The following CHRNA2 variants were observed in gnomAD, a reference collection of about 807,000 sequenced individuals.
CHRNA2 encodes the protein cholinergic receptor nicotinic alpha 2 subunit, also known as neuronal acetylcholine receptor subunit alpha-2.
A neutral mutation model predicts 45.5 loss-of-function variants in CHRNA2; 40 were observed. That is an observed-to-expected ratio of 0.88 (90% CI 0.68 to 1.15). The LOEUF (loss-of-function observed/expected upper bound fraction) is 1.15. Among genes scored for constraint, CHRNA2 ranks in the 50% most tolerant of loss-of-function variants. CHRNA2 has a pLI of 0.00. For missense variants in CHRNA2, 655 were observed against 701.7 expected (o/e 0.93, Z 0.75); for synonymous variants, 301 against 296.7 (o/e 1.01, Z -0.15).
chr8:27,467,146 A>AG, intron 5 of CHRNA2, 83 bp downstream of exon 5: 3 of 1,027,148 alleles, frequency 2.9e-6, no homozygotes, highest in Non-Finnish European at 4.6e-6. Flanking sequence ...AGCTGACACC[A>AG]GGGGGGCCCC....
In CHRNA2 at chr8:27,469,862, G is replaced by A. The variant is rs200035862; in HGVS notation, c.193C>T (p.His65Tyr). ...CAGCGGTTGTAGCCCCGGAAGAGGT[G>A]TTTGAAGAGCCGGTCCTCAGTCTCG... is the stretch of plus-strand genomic sequence containing the variant. ...HTETEDRLFK[H>Y]LFRGYNRWAR... Residue 65 changes from histidine (H) to tyrosine (Y), a missense_variant, in exon 3 of 7, where the codon CAC (histidine) becomes TAC (tyrosine). By Grantham distance (83) the His-to-Tyr change is moderately conservative. This residue lies in a region of CHRNA2 where 323 missense variants were observed against 354.4 expected (regional missense o/e 0.91). Transcript: ENST00000407991. 1.1e-5 allele frequency: 17 copies of A among 1,614,174 alleles called. No homozygotes were observed. The highest frequency in any genetic ancestry group is 1.4e-5 in the Non-Finnish European group (17 of 1,180,034).
intron 1 of CHRNA2, among the ~76,000 whole-genome samples, chr8:27,471,610 G>C (rs1330529453): frequency 6.6e-6 from 1 of 152,230 alleles, no homozygotes; most frequent in African/African-American, 2.4e-5. Context: ...ATGGACAAAA[G>C]GCAGTAAATC....
At position 27,461,463 on chromosome 8, in the gene CHRNA2, A is replaced by C; in HGVS notation, c.*166T>G. 2.1e-6 allele frequency: 2 copies of C among 933,294 alleles called. No individual in the cohort carries two copies. Among genetic ancestry groups the C allele is most frequent in the Non-Finnish European group, 3.2e-6 (2 of 623,284 alleles). 57.8% of individuals were successfully genotyped at this position (933,294 alleles called of 1,614,324 possible). A position where few individuals can be genotyped will look rare whatever the true frequency, so the allele number is the denominator to read the frequency against. On this transcript the variant is annotated 3_prime_UTR_variant, in exon 7 of 7. Transcript: ENST00000407991. Reference sequence around the variant, plus strand: ...CACCCAGCAGGCTGTCAGCCCTGGTACAATAACGTTAAGCTGGATGGAAGC... The same window carrying C: ...CACCCAGCAGGCTGTCAGCCCTGGTCCAATAACGTTAAGCTGGATGGAAGC...
rs1205023086 is a variant in CHRNA2 at position 27,463,013 on chromosome 8, G to A, written c.1430C>T (p.Ala477Val). 1 of 1,613,982 alleles carries A rather than the reference G, an allele frequency of 6.2e-7. No individual in the cohort carries two copies. Among genetic ancestry groups the A allele is most frequent in the African/African-American group, 1.3e-5 (1 of 74,940 alleles). ...QKALEGVHYI[A>V]DHLRSEDADS... ...AGCATCCTCAGACCGCAGGTGGTCG[G>A]CAATGTAGTGCACACCTTCCAGTGC... The change falls in exon 6 of 7, where the codon GCC becomes GTC. Residue 477 changes from alanine (A) to valine (V), a missense_variant. Ala to Val is a moderately conservative substitution (Grantham distance 64, BLOSUM62 0). Transcript: ENST00000407991. This position sits in a 1 kb window ranked among gnomAD's most constrained non-coding sequence, Gnocchi z 6.1.
Position 27,463,593 on chromosome 8 carries a change from CAGTG to C in CHRNA2, c.846_849del (p.Thr283CysfsTer53). 5 of 1,614,158 alleles carry C rather than the reference CAGTG, an allele frequency of 3.1e-6. No homozygotes were observed. In the South Asian group the frequency reaches 5.5e-5, roughly 18 times the overall value. Reference sequence around the variant, plus strand: ...TCGGAGGGCAGGTAGAAGACCAGCACAGTGAGGCAGGAGATGAGCAGGCAGGGGA... The same window carrying C: ...TCGGAGGGCAGGTAGAAGACCAGCACAGGCAGGAGATGAGCAGGCAGGGGA... On this transcript the variant is annotated frameshift_variant, in exon 6 of 7. Coordinates refer to ENST00000407991, the MANE Select transcript of CHRNA2 (RefSeq NM_000742.4). LOFTEE classifies it high-confidence loss of function. This position sits in a 1 kb window ranked among gnomAD's most constrained non-coding sequence, Gnocchi z 6.1.
chr8:27,464,101 C>T, intron 5 of CHRNA2, 108 bp from the exon 6 acceptor site: 1 of 1,291,806 alleles, frequency 7.7e-7, no homozygotes, highest in East Asian at 2.5e-5. Context: ...TCAGACCCGG[C>T]CACACTGGCG....
At chr8:27,471,385 A>T (rs1812878820) in intron 1 of CHRNA2, among the ~76,000 whole-genome samples, 191 bp from the exon 2 acceptor site, 1 of 152,212 alleles carries the variant, frequency 6.6e-6, no homozygotes, top group African/African-American at 2.4e-5. Flanking sequence ...AGAGTCAGCC[A>T]GCGACTCTGC....
intron 1 of CHRNA2, chr8:27,475,345 C>G (rs1000561126): frequency 2.0e-5 from 3 of 152,222 alleles, no homozygotes; most frequent in Non-Finnish European, 2.9e-5. Flanking sequence ...TCTATCCATA[C>G]AGTGGAATAT....
At position 27,460,128 on chromosome 8, in the gene CHRNA2, C is replaced by T. The variant is rs970488322; in HGVS notation, c.*1501G>A. The T allele has an allele frequency of 2.0e-5, 3 of 152,290 alleles. No homozygotes were observed. The highest frequency in any genetic ancestry group is 2.9e-5 in the Non-Finnish European group (2 of 68,124). 9.4% of individuals were successfully genotyped at this position (152,290 alleles called of 1,614,324 possible). A position where few individuals can be genotyped will look rare whatever the true frequency, so the allele number is the denominator to read the frequency against. On this transcript the variant is annotated 3_prime_UTR_variant, in exon 7 of 7. Transcript: ENST00000407991. ...ACCAAAAGGAAACTGGAAGCTCGCCCTGCTCGGCTTCCTGCCTGGAGCCTC... is the reference window on the plus strand; with the variant it reads ...ACCAAAAGGAAACTGGAAGCTCGCCTTGCTCGGCTTCCTGCCTGGAGCCTC...
Position 27,467,241 on chromosome 8 carries a change from A to G in CHRNA2, c.437T>C (p.Val146Ala). The G allele has an allele frequency of 6.2e-7, 1 of 1,613,280 alleles. No homozygotes were observed. The highest frequency in any genetic ancestry group is 8.5e-7 in the Non-Finnish European group (1 of 1,179,236). The stretch of plus-strand genomic sequence containing the variant: ...AATGGCTTCCTACTTGTTGTAGAGA[A>G]CAATGTCGGGGATCCAGATCATCTC... ...PSEMIWIPDIVLYNNADGEFA... is the reference protein window; with the variant it reads ...PSEMIWIPDIALYNNADGEFA... The change falls in exon 5 of 7, where the codon GTT becomes GCT. Residue 146 changes from valine to alanine, a missense_variant. This residue lies in a region of CHRNA2 where 323 missense variants were observed against 354.4 expected (regional missense o/e 0.91). Coordinates refer to ENST00000407991, the MANE Select transcript of CHRNA2 (RefSeq NM_000742.4).
At chr8:27,469,623 G>A in intron 3 of CHRNA2, 138 bp downstream of exon 3, 1 of 1,122,314 alleles carries the variant, frequency 8.9e-7, no homozygotes, top group Non-Finnish European at 1.3e-6. Flanking sequence ...TAGCCGCCCT[G>A]GGAAGAGCCA....
At position 27,463,683 on chromosome 8, in the gene CHRNA2, C is replaced by T. The variant is rs372418511; in HGVS notation, c.760G>A (p.Asp254Asn). 1 of 1,613,996 alleles carries T rather than the reference C, an allele frequency of 6.2e-7. No individual in the cohort carries two copies. The highest frequency in any genetic ancestry group is 8.5e-7 in the Non-Finnish European group (1 of 1,180,006). The change falls in exon 6 of 7, where the codon GAC becomes AAC. Residue 254 changes from aspartate (D) to asparagine (N), a missense_variant. Asp to Asn is a conservative substitution (Grantham distance 23, BLOSUM62 1). Around this residue, in one of 3 missense-constraint regions of CHRNA2, gnomAD observed 323 missense variants for 354.4 expected, o/e 0.91. Coordinates refer to ENST00000407991, the MANE Select transcript of CHRNA2 (RefSeq NM_000742.4). The surrounding 1 kb of genome is among the most constrained non-coding windows in gnomAD (Gnocchi z 6.1). ...KYDCCAEIYP[D>N]VTYAFVIRRL... is the part of the protein sequence containing the mutation. ...CGGATGACGAAGGCGTAGGTGACGT[C>T]GGGGTAGATCTCGGCGCAGCAGTCG...
At chr8:27,475,357 A>G (rs1332570372) in intron 1 of CHRNA2, 1 of 152,242 alleles carries the variant, frequency 6.6e-6, no homozygotes, top group Non-Finnish European at 1.5e-5. Flanking sequence ...GTGGAATATT[A>G]TTTGTCCTTA....
rs1455005891 is a variant in CHRNA2, at chr8:27,460,827, GGCCGGCTGGTGCAGA to G, written c.*787_*801del. On this transcript the variant is annotated 3_prime_UTR_variant, in exon 7 of 7. Coordinates refer to ENST00000407991, the MANE Select transcript of CHRNA2 (RefSeq NM_000742.4). ...TCTCAGCTCTGCCAGACCTCCTGGG[GGCCGGCTGGTGCAGA>G]GCCATTTTGCAGCAAGGAAGGAGAG... The G allele has an allele frequency of 6.6e-6, 1 of 152,260 alleles. No individual in the cohort carries two copies. The highest frequency in any genetic ancestry group is 1.9e-4 in the East Asian group (1 of 5,184). 9.4% of individuals were successfully genotyped at this position (152,260 alleles called of 1,614,324 possible).
intron 1 of CHRNA2, among the ~76,000 whole-genome samples, chr8:27,474,227 G>A (rs1812993037): frequency 6.6e-6 from 1 of 152,104 alleles, no homozygotes; most frequent in African/African-American, 2.4e-5. Context: ...GATTTGATGT[G>A]AATTTCAATG....
At chr8:27,470,956 G>A (rs906408607) in intron 2 of CHRNA2, 30 bp downstream of exon 2, 2 of 1,609,120 alleles carry the variant, frequency 1.2e-6, no homozygotes. Context: ...ATGAGATGAA[G>A]TCTTACAATG....
rs1386467896 is a variant in CHRNA2, at chr8:27,474,494, TTC to T, written c.-136-3302_-136-3301del. Among the ~76,000 whole-genome samples, 4 of 152,332 alleles carry T rather than the reference TTC, an allele frequency of 2.6e-5. 1 individual carries two copies. Among genetic ancestry groups the T allele is most frequent in the African/African-American group, 9.6e-5 (4 of 41,574 alleles). On this transcript the variant is annotated intron_variant, in intron 1 of 6. Transcript: ENST00000407991. ...CCAGCTCTTAGAGGTTCCCGGTTCCTTCCTGGCTCTGAAAATCCCCAGCTGGC... is the reference window on the plus strand; with the variant it reads ...CCAGCTCTTAGAGGTTCCCGGTTCCTCTGGCTCTGAAAATCCCCAGCTGGC...
rs144185168 is a variant in CHRNA2, at chr8:27,469,889, T to A, written c.166A>T (p.Thr56Ser). The change falls in exon 3 of 7, where the codon ACC becomes TCC. Residue 56 changes from threonine (T) to serine (S), a missense_variant. Physicochemically the swap from Thr to Ser is moderately conservative, Grantham distance 58. Transcript: ENST00000407991. ...TTGAAGAGCCGGTCCTCAGTCTCGGTATGCGAGCCTCCCTGCGGCAATGCC... is the reference window on the plus strand; with the variant it reads ...TTGAAGAGCCGGTCCTCAGTCTCGGAATGCGAGCCTCCCTGCGGCAATGCC... ...PTALPQGGSH[T>S]ETEDRLFKHL... 85 of 1,613,974 alleles carry A rather than the reference T, an allele frequency of 5.3e-5. No homozygotes were observed. In the African/African-American group the frequency reaches 1.1e-3, roughly 20 times the overall value.
intron 1 of CHRNA2, among the ~76,000 whole-genome samples, chr8:27,473,614 G>A (rs917022488): frequency 6.6e-6 from 1 of 151,290 alleles, no homozygotes; most frequent in African/African-American, 2.4e-5. Flanking sequence ...GGCCAAGAAG[G>A]GAGGGTCGTG....
Sources: allele counts gnomAD v4.1 joint callset (sites outside exome capture counted in the v4.1 genomes callset), GRCh38; gene constraint gnomAD v4.1.1; regional missense constraint gnomAD v4.1.1; non-coding constraint Gnocchi (gnomAD v3.1); transcripts MANE v1.5; gene names NCBI Gene and HGNC (gene_info 2026-07-23, HGNC 2026-07-21).